The following PREX2 variants were observed in gnomAD, a reference collection of about 807,000 sequenced individuals.
The protein encoded by PREX2 is phosphatidylinositol-3,4,5-trisphosphate dependent Rac exchange factor 2, also known as phosphatidylinositol 3,4,5-trisphosphate-dependent Rac exchanger 2 protein.
Under a neutral mutation model 203.2 loss-of-function variants are expected in PREX2, and 107 were observed. The observed-to-expected ratio is 0.53, with a 90% CI of 0.45 to 0.62. PREX2 has a LOEUF of 0.62. Ranked by LOEUF, PREX2 falls within the 20% of genes least tolerant of loss-of-function variation. PREX2 has a pLI of 0.00. For missense variants in PREX2, 1,777 were observed against 1,955.9 expected (o/e 0.91, Z 1.72); for synonymous variants, 672 against 663.6 (o/e 1.01, Z -0.19).
intron 23 of PREX2, among the ~76,000 whole-genome samples, chr8:68,107,285 A>G: frequency 6.6e-6 from 1 of 152,090 alleles, no homozygotes; most frequent in East Asian, 1.9e-4. Context: ...GTGAGTAGAT[A>G]GTGTGTGAGA....
chr8:68,137,030 C>G (rs888626646), intron 32 of PREX2, among the ~76,000 whole-genome samples: 2 of 151,790 alleles, frequency 1.3e-5, no homozygotes, highest in Non-Finnish European at 2.9e-5. Context: ...CTCAGCCTCC[C>G]AAGTAGCTGG....
intron 34 of PREX2, among the ~76,000 whole-genome samples, chr8:68,149,733 C>A (rs1379356322): frequency 6.6e-6 from 1 of 152,136 alleles, no homozygotes; most frequent in South Asian, 2.1e-4. Flanking sequence ...GGCTCTGCCC[C>A]ATGCAAAATC....
At chr8:68,030,465 A>G in intron 5 of PREX2, 32 bp from the exon 6 acceptor site, 1 of 1,606,446 alleles carries the variant, frequency 6.2e-7, no homozygotes, top group South Asian at 1.1e-5. Flanking sequence ...GCTGAAGATC[A>G]AAGGGCGATT....
At chr8:68,125,950 A>G (rs1810877323) in intron 30 of PREX2, among the ~76,000 whole-genome samples, 1 of 152,026 alleles carries the variant, frequency 6.6e-6, no homozygotes, top group Non-Finnish European at 1.5e-5. Context: ...TTCCTAAAAT[A>G]TCGTGTTCAT....
At chr8:67,988,083 C>T (rs1294733450) in intron 1 of PREX2, among the ~76,000 whole-genome samples, 2 of 152,216 alleles carry the variant, frequency 1.3e-5, no homozygotes, top group Non-Finnish European at 1.5e-5. Context: ...TAGAAAATAT[C>T]TGAACACCTC....
Position 68,134,171 on chromosome 8 carries a change from C to T in PREX2, c.3879C>T (p.Ser1293=). 1.2e-6 allele frequency: 2 copies of T among 1,614,026 alleles called. No homozygotes were observed. Among genetic ancestry groups the T allele is most frequent in the African/African-American group, 2.7e-5 (2 of 75,022 alleles). The change falls in exon 32 of 40, where the codon AGC becomes AGT. Residue 1293 remains serine (S), a synonymous_variant. Coordinates refer to ENST00000288368, the MANE Select transcript of PREX2 (RefSeq NM_024870.4). ...MAALNQMFDN[S]KENEMETWEA... Reference sequence around the variant, plus strand: ...CCTTGAACCAGATGTTTGACAACAGCAAGGAAAATGAGATGGAAACTTGGG... The same window carrying T: ...CCTTGAACCAGATGTTTGACAACAGTAAGGAAAATGAGATGGAAACTTGGG...
intron 11 of PREX2, among the ~76,000 whole-genome samples, chr8:68,062,337 TTC>T (rs1808883073): frequency 1.3e-5 from 2 of 152,332 alleles, no homozygotes; most frequent in South Asian, 4.1e-4. Context: ...CAAAGCATCC[TTC>T]TGTTTATAAC....
chr8:68,168,556 G>A (rs1432905654), intron 35 of PREX2, among the ~76,000 whole-genome samples: 1 of 152,142 alleles, frequency 6.6e-6, no homozygotes, highest in Non-Finnish European at 1.5e-5. Context: ...CCTCCTTGTT[G>A]TGTATTAGAT....
At chr8:68,119,245 A>G (rs1202882316) in intron 27 of PREX2, among the ~76,000 whole-genome samples, 187 bp from the exon 28 acceptor site, 3 of 152,262 alleles carry the variant, frequency 2.0e-5, no homozygotes, top group Non-Finnish European at 4.4e-5. Flanking sequence ...CTCCGCCTTC[A>G]GAAGAAATAG....
chr8:68,087,350 G>C (rs939310949), intron 18 of PREX2, among the ~76,000 whole-genome samples: 1 of 152,016 alleles, frequency 6.6e-6, no homozygotes, highest in African/African-American at 2.4e-5. Context: ...AGGAAACCCT[G>C]TGTTTATGAA....
intron 11 of PREX2, among the ~76,000 whole-genome samples, chr8:68,065,661 C>CA (rs1007482841): frequency 2.1e-4 from 32 of 152,030 alleles, no homozygotes; most frequent in Non-Finnish European, 3.4e-4. Context: ...ACATTTCTAG[C>CA]AAAAAAATAA....
chr8:68,101,594 G>A (rs902324556), intron 23 of PREX2, among the ~76,000 whole-genome samples: 2 of 152,136 alleles, frequency 1.3e-5, no homozygotes, highest in African/African-American at 4.8e-5. Flanking sequence ...GTGCTTTGAA[G>A]TAAAATTGAA....
chr8:67,973,047 T>C (rs926935350), intron 1 of PREX2, among the ~76,000 whole-genome samples: 1 of 152,160 alleles, frequency 6.6e-6, no homozygotes, highest in Non-Finnish European at 1.5e-5. Flanking sequence ...ATATCTTTCA[T>C]CCCTTGTTCA....
chr8:68,154,822 G>T lies in PREX2; in HGVS notation c.4232-2500G>T, dbSNP rs539347243. ...GTGCACGGGGCAAAATCATGGGAGA[G>T]TGATTACCCAATAATTCAGTGAGGT... On this transcript the variant is annotated intron_variant, in intron 34 of 39. Coordinates refer to ENST00000288368, the MANE Select transcript of PREX2 (RefSeq NM_024870.4). Among the ~76,000 whole-genome samples the T allele has an allele frequency of 3.3e-5, 5 of 152,296 alleles. No homozygotes were observed. In the East Asian group the frequency reaches 9.7e-4, roughly 29 times the overall value.
intron 11 of PREX2, among the ~76,000 whole-genome samples, chr8:68,061,303 T>C (rs770925037): frequency 2.6e-5 from 4 of 152,210 alleles, no homozygotes; most frequent in Non-Finnish European, 5.9e-5. Flanking sequence ...AGGCAGAGCC[T>C]GGATTCCAGA....
intron 35 of PREX2, among the ~76,000 whole-genome samples, chr8:68,181,243 C>T (rs373600649): frequency 5.9e-5 from 9 of 152,070 alleles, no homozygotes; most frequent in African/African-American, 1.2e-4. Context: ...AGTTACCAAA[C>T]GGGTATCAAA....
At chr8:68,182,472 T>G (rs1346597051) in intron 35 of PREX2, among the ~76,000 whole-genome samples, 4 of 152,128 alleles carry the variant, frequency 2.6e-5, no homozygotes, top group Non-Finnish European at 5.9e-5. Flanking sequence ...TCAATGTTAA[T>G]GGAGTTGTAG....
At chr8:68,210,465 C>CT (rs1251253370) in intron 37 of PREX2, among the ~76,000 whole-genome samples, 1 of 152,156 alleles carries the variant, frequency 6.6e-6, no homozygotes, top group Non-Finnish European at 1.5e-5. Flanking sequence ...ATCAGTGTTC[C>CT]TGACAGTGGG....
rs570738404 is a variant in PREX2 at position 68,111,937 on chromosome 8, G to A, written c.3146+2314G>A. ...TCGGATGTGTTGCCAACTTTTAAGA[G>A]AAACTGCCTGATAACACCTCAGTGT... On this transcript the variant is annotated intron_variant, in intron 25 of 39. Coordinates refer to ENST00000288368, the MANE Select transcript of PREX2 (RefSeq NM_024870.4). Among the ~76,000 whole-genome samples the A allele has an allele frequency of 9.3e-4, 142 of 152,278 alleles. 2 individuals carry two copies. Among genetic ancestry groups the A allele is most frequent in the Non-Finnish European group, 1.5e-3 (102 of 68,020 alleles).
Sources: allele counts gnomAD v4.1 joint callset (sites outside exome capture counted in the v4.1 genomes callset), GRCh38; gene constraint gnomAD v4.1.1; transcripts MANE v1.5; gene names NCBI Gene and HGNC (gene_info 2026-07-23, HGNC 2026-07-21).